SPATA17: variants seen among roughly 807,000 people sequenced by gnomAD.
SPATA17 encodes spermatogenesis associated 17.
In SPATA17, 53 loss-of-function variants were observed where a neutral mutation model predicts 62.2. That is an observed-to-expected ratio of 0.85 (90% CI 0.68 to 1.07). SPATA17 has a LOEUF of 1.07. Ranked by LOEUF, SPATA17 falls within the 50% of genes least tolerant of loss-of-function variation. SPATA17 has a pLI of 0.00. For synonymous variants in SPATA17, 146 were observed against 146.8 expected (o/e 0.99, Z 0.04); for missense variants, 466 against 425.5 (o/e 1.10, Z -0.84).
intron 9 of SPATA17, among the ~76,000 whole-genome samples, chr1:217,839,427 A>T (rs1675338383): frequency 6.6e-6 from 1 of 152,074 alleles, no homozygotes; most frequent in Non-Finnish European, 1.5e-5. Flanking sequence ...TTAGAGTTTC[A>T]TCAATCACTT....
chr1:217,824,652 C>G (rs1674943828), intron 9 of SPATA17, among the ~76,000 whole-genome samples: 1 of 149,940 alleles, frequency 6.7e-6, no homozygotes, highest in African/African-American at 2.4e-5. Context: ...TTCATATATT[C>G]ATGTACTTTA....
At chr1:217,658,357 C>T (rs1448335528) in intron 3 of SPATA17, among the ~76,000 whole-genome samples, 1 of 152,196 alleles carries the variant, frequency 6.6e-6, no homozygotes, top group Non-Finnish European at 1.5e-5. Flanking sequence ...TGCCTGCTCT[C>T]CCTTTACCTT....
chr1:217,778,960 C>T (rs945163137), intron 7 of SPATA17, among the ~76,000 whole-genome samples: 2 of 151,872 alleles, frequency 1.3e-5, no homozygotes, highest in Admixed American at 1.3e-4. Flanking sequence ...TACCTATATA[C>T]ATAAGTGTAT....
intron 9 of SPATA17, among the ~76,000 whole-genome samples, chr1:217,851,860 T>A (rs1675674275): frequency 6.6e-6 from 1 of 152,192 alleles, no homozygotes; most frequent in South Asian, 2.1e-4. Context: ...ATTTGCACAT[T>A]TAAAGACTTT....
chr1:217,817,856 T>TC (rs1186631375), intron 9 of SPATA17, among the ~76,000 whole-genome samples: 1 of 152,056 alleles, frequency 6.6e-6, no homozygotes, highest in Non-Finnish European at 1.5e-5. Flanking sequence ...GCCAATAATT[T>TC]CCCTGTAACT....
intron 6 of SPATA17, among the ~76,000 whole-genome samples, chr1:217,773,532 A>G (rs562500304): frequency 2.0e-5 from 3 of 152,240 alleles, no homozygotes; most frequent in African/African-American, 7.2e-5. Flanking sequence ...GTATATTCAA[A>G]CAACATTAAA....
At chr1:217,644,906 AT>A (rs1166086990) in intron 1 of SPATA17, among the ~76,000 whole-genome samples, 1 of 152,042 alleles carries the variant, frequency 6.6e-6, no homozygotes, top group Admixed American at 6.6e-5. Context: ...CTGCTATAGG[AT>A]TTTCATTGTA....
chr1:217,782,476 A>C (rs1022345949), intron 8 of SPATA17, among the ~76,000 whole-genome samples, 154 bp downstream of exon 8: 2 of 152,182 alleles, frequency 1.3e-5, no homozygotes, highest in African/African-American at 4.8e-5. Flanking sequence ...TTCAGCATGC[A>C]AATGATTTAA....
intron 8 of SPATA17, among the ~76,000 whole-genome samples, chr1:217,789,631 G>A (rs752372892): frequency 3.9e-5 from 6 of 152,190 alleles, no homozygotes; most frequent in Admixed American, 2.6e-4. Flanking sequence ...TCACACATTA[G>A]TTTTGGCCTA....
At chr1:217,840,865 AT>A (rs1287119711) in intron 9 of SPATA17, among the ~76,000 whole-genome samples, 1 of 152,070 alleles carries the variant, frequency 6.6e-6, no homozygotes, top group Non-Finnish European at 1.5e-5. Context: ...TCTCAAAAAA[AT>A]AAATAAATAA....
intron 7 of SPATA17, 26 bp from the exon 8 acceptor site, chr1:217,782,148 A>C: frequency 6.4e-7 from 1 of 1,555,148 alleles, no homozygotes; most frequent in Non-Finnish European, 8.7e-7. Context: ...TCCATATAAA[A>C]TATGTTCCTC....
At chr1:217,788,600 G>T (rs1476024382) in intron 8 of SPATA17, among the ~76,000 whole-genome samples, 1 of 152,126 alleles carries the variant, frequency 6.6e-6, no homozygotes. Context: ...TCAGAGTGAT[G>T]CAATGTGAGG....
At position 217,858,575 on chromosome 1, in the gene SPATA17, G is replaced by A. The variant is rs116294030; in HGVS notation, c.1006-4199G>A. On this transcript the variant is annotated intron_variant, in intron 9 of 10. Coordinates refer to ENST00000366933, the MANE Select transcript of SPATA17 (RefSeq NM_138796.4). ...CCAGTGAAACCATCTTTTCCTTTTT[G>A]GAAGCTTATTTATTATTGATTCAGT... is the stretch of plus-strand genomic sequence containing the variant. Among the ~76,000 whole-genome samples the A allele has an allele frequency of 3.3e-3, 509 of 152,120 alleles. 2 individuals are homozygous for A. Among genetic ancestry groups the A allele is most frequent in the Admixed American group, 6.9e-3 (106 of 15,262 alleles).
At chr1:217,791,759 G>A (rs951278038) in intron 8 of SPATA17, among the ~76,000 whole-genome samples, 2 of 152,156 alleles carry the variant, frequency 1.3e-5, no homozygotes, top group African/African-American at 4.8e-5. Flanking sequence ...CAGTGTTTTA[G>A]GCCCTGAGTG....
intron 7 of SPATA17, among the ~76,000 whole-genome samples, chr1:217,777,891 TAA>T (rs1558046877): frequency 6.6e-6 from 1 of 152,138 alleles, no homozygotes; most frequent in Non-Finnish European, 1.5e-5. Flanking sequence ...CCTTTTTAAA[TAA>T]GAGTTATATC....
chr1:217,706,997 G>T (rs924988618), intron 5 of SPATA17, among the ~76,000 whole-genome samples: 1 of 151,888 alleles, frequency 6.6e-6, no homozygotes, highest in African/African-American at 2.4e-5. Flanking sequence ...CTCCCAAATA[G>T]CTGGGACTAC....
chr1:217,802,271 A>G (rs1359078951), intron 9 of SPATA17, among the ~76,000 whole-genome samples: 1 of 152,186 alleles, frequency 6.6e-6, no homozygotes, highest in African/African-American at 2.4e-5. Context: ...ATAAAACATG[A>G]TGTATAAATG....
intron 6 of SPATA17, among the ~76,000 whole-genome samples, chr1:217,761,469 C>T (rs1485279663): frequency 2.0e-5 from 3 of 152,134 alleles, no homozygotes; most frequent in Non-Finnish European, 4.4e-5. Context: ...TTCCAATATA[C>T]ATATACATAT....
chr1:217,863,845 A>AG (rs1197141088), intron 10 of SPATA17, among the ~76,000 whole-genome samples: 1 of 152,158 alleles, frequency 6.6e-6, no homozygotes, highest in Non-Finnish European at 1.5e-5. Flanking sequence ...GTTGGAGGAA[A>AG]GGGGCAGAAA....
Sources: allele counts gnomAD v4.1 joint callset (sites outside exome capture counted in the v4.1 genomes callset), GRCh38; gene constraint gnomAD v4.1.1; transcripts MANE v1.5; gene names NCBI Gene and HGNC (gene_info 2026-07-23, HGNC 2026-07-21).